Variants in ZC3H18 observed in about 807,000 individuals in gnomAD.
ZC3H18 encodes zinc finger CCCH domain-containing protein 18.
A neutral mutation model predicts 106.1 loss-of-function variants in ZC3H18; 8 were observed. That is an observed-to-expected ratio of 0.08 (90% confidence interval 0.04 to 0.14). The LOEUF is 0.14. Ranked by LOEUF, ZC3H18 falls within the 10% of genes least tolerant of loss-of-function variation. The pLI is 1.00. For missense variants in ZC3H18, 1,318 were observed against 1,278.4 expected (o/e 1.03, Z -0.47); for synonymous variants, 635 against 522.1 (o/e 1.22, Z -2.95).
chr16:88,623,986 C>A lies in ZC3H18; in HGVS notation c.1822C>A (p.Pro608Thr). The change falls in exon 11 of 18, where the codon CCG becomes ACG. Residue 608 changes from proline to threonine, a missense_variant. Pro to Thr is a conservative substitution (Grantham distance 38, BLOSUM62 -1). Coordinates refer to ENST00000301011, the MANE Select transcript of ZC3H18 (RefSeq NM_144604.4). ...CCGGTCCTTCTCTTCGTCCCCGTCC[C>A]CGTCCCCAACACCTTCCCCACATAG... ...RSRSFSSSPS[P>T]SPTPSPHRPS... is the part of the protein sequence containing the mutation. 2 of 1,613,420 alleles carry A rather than the reference C, an allele frequency of 1.2e-6. No homozygotes were observed. Among genetic ancestry groups the A allele is most frequent in the Non-Finnish European group, 1.7e-6 (2 of 1,179,488 alleles).
intron 8 of ZC3H18, among the ~76,000 whole-genome samples, chr16:88,618,871 C>CT (rs1905785396): frequency 6.6e-6 from 1 of 152,194 alleles, no homozygotes; most frequent in African/African-American, 2.4e-5. Context: ...TGGGCCATCC[C>CT]TTGCGAGCGT....
chr16:88,598,063 G>C lies in ZC3H18; in HGVS notation c.689-115G>C. 2.3e-5 allele frequency: 17 copies of C among 747,558 alleles called. No homozygotes were observed. The East Asian group carries it at 3.8e-4, about 17-fold the overall frequency. 46.3% of individuals were successfully genotyped at this position (747,558 alleles called of 1,614,324 possible). A position where few individuals can be genotyped will look rare whatever the true frequency, so the allele number is the denominator to read the frequency against. On this transcript the variant is annotated intron_variant, in intron 3 of 17. Coordinates refer to ENST00000301011, the MANE Select transcript of ZC3H18 (RefSeq NM_144604.4). Reference sequence around the variant, plus strand: ...TTCAGTTCCCACTACTGTGTGGCTCGCCATCAGGCCTGGGTAAACATGGCC... The same window carrying C: ...TTCAGTTCCCACTACTGTGTGGCTCCCCATCAGGCCTGGGTAAACATGGCC...
Position 88,592,446 on chromosome 16 carries a change from T to C in ZC3H18, c.689-5732T>C, listed in dbSNP as rs551048016. Among the ~76,000 whole-genome samples, 29 of 152,212 alleles carry C rather than the reference T, an allele frequency of 1.9e-4. 1 individual carries two copies. In the East Asian group the frequency reaches 5.6e-3, roughly 29 times the overall value. ...TTTCAGGGGACCCTGAGGTCAAAAC[T>C]ATATTTATTTATTTTTCTTTTTCTT... On this transcript the variant is annotated intron_variant, in intron 3 of 17. Coordinates refer to ENST00000301011, the MANE Select transcript of ZC3H18 (RefSeq NM_144604.4).
chr16:88,610,737 A>G (rs964543614), intron 7 of ZC3H18, among the ~76,000 whole-genome samples: 1 of 152,230 alleles, frequency 6.6e-6, no homozygotes, highest in South Asian at 2.1e-4. Flanking sequence ...GAAGAGGAGC[A>G]GTCTTTTGGG....
rs1344252080 is a variant in ZC3H18 at position 88,599,038 on chromosome 16, A to G, written c.930+326A>G. 2.0e-5 allele frequency among the ~76,000 whole-genome samples: 3 copies of G among 152,106 alleles called. No homozygotes were observed. In the East Asian group the frequency reaches 5.8e-4, roughly 29 times the overall value. Reference sequence around the variant, plus strand: ...CAGGCCCGGAAGGATGGAGAGTTATATCTAACTGTCTCAGGCAGCAGCCCA... The same window carrying G: ...CAGGCCCGGAAGGATGGAGAGTTATGTCTAACTGTCTCAGGCAGCAGCCCA... On this transcript the variant is annotated intron_variant, in intron 5 of 17. Coordinates refer to ENST00000301011, the MANE Select transcript of ZC3H18 (RefSeq NM_144604.4).
intron 16 of ZC3H18, chr16:88,630,126 A>C: frequency 4.6e-6 from 1 of 216,860 alleles, no homozygotes; most frequent in Non-Finnish European, 9.3e-6. Context: ...AAACACTCCT[A>C]GTCTCTCGGC....
chr16:88,586,827 GT>G, intron 3 of ZC3H18, 143 bp downstream of exon 3: 1 of 634,944 alleles, frequency 1.6e-6, no homozygotes. Context: ...GGTGGTGGTG[GT>G]GGTGGTGGTG....
chr16:88,608,101 G>T (rs62050306), intron 6 of ZC3H18, among the ~76,000 whole-genome samples: 28,515 of 152,072 alleles, frequency 0.19, 3,096 homozygotes, highest in East Asian at 0.32. Context: ...GCTTTATCAA[G>T]TCTCTGGGTT....
chr16:88,621,245 G>C (rs1905940069), intron 8 of ZC3H18, among the ~76,000 whole-genome samples: 1 of 143,092 alleles, frequency 7.0e-6, no homozygotes, highest in Admixed American at 7.0e-5. Flanking sequence ...TTTTTTTTGA[G>C]ACAGAGTCTC....
chr16:88,619,259 G>A (rs1482711694), intron 8 of ZC3H18, among the ~76,000 whole-genome samples: 1 of 152,138 alleles, frequency 6.6e-6, no homozygotes, highest in Non-Finnish European at 1.5e-5. Context: ...GGGCAACAGA[G>A]CGAGGCTCTG....
Position 88,611,326 on chromosome 16 carries a change from AGCG to A in ZC3H18, c.1267_1269del (p.Arg423del). On this transcript the variant is annotated inframe_deletion, in exon 8 of 18. Transcript: ENST00000301011. ...CAGCGCGAGCGCGAGCGGGAGCGGG[AGCG>A]GGACCGAGAGCGGGAGCGCCGGCAG... is the stretch of plus-strand genomic sequence containing the variant. The A allele has an allele frequency of 1.3e-6, 1 of 751,174 alleles. No individual in the cohort carries two copies. Among genetic ancestry groups the A allele is most frequent in the Non-Finnish European group, 2.4e-6 (1 of 416,778 alleles). 46.5% of individuals were successfully genotyped at this position (751,174 alleles called of 1,614,324 possible). A position where few individuals can be genotyped will look rare whatever the true frequency, so the allele number is the denominator to read the frequency against.
Position 88,627,540 on chromosome 16 carries a change from T to C in ZC3H18, c.2109-82T>C. 1.1e-5 allele frequency: 16 copies of C among 1,518,750 alleles called. No individual in the cohort carries two copies. Among genetic ancestry groups the C allele is most frequent in the Non-Finnish European group, 1.4e-5 (16 of 1,126,768 alleles). The allele number at this position is 1,518,750 out of a possible 1,614,324, so 94.1% of individuals were successfully genotyped here. On this transcript the variant is annotated intron_variant, in intron 13 of 17. Coordinates refer to ENST00000301011, the MANE Select transcript of ZC3H18 (RefSeq NM_144604.4). The surrounding 1 kb of genome is among the most constrained non-coding windows in gnomAD (Gnocchi z 4.5). ...ACATGATCCATAAATGGACACTGCG[T>C]AAAAGTGGACCATGGAGCACCCCCT...
Position 88,627,895 on chromosome 16 carries a change from A to C in ZC3H18, c.2270-25A>C, listed in dbSNP as rs1906414484. On this transcript the variant is annotated intron_variant, in intron 14 of 17. Transcript: ENST00000301011. The surrounding 1 kb of genome is among the most constrained non-coding windows in gnomAD (Gnocchi z 4.5). The stretch of plus-strand genomic sequence containing the variant: ...CCATGGGAAAATCACCAGTACCCCC[A>C]TGACTGCGGATTTATCATTGGTAGG... 5 of 1,613,670 alleles carry C rather than the reference A, an allele frequency of 3.1e-6. No individual in the cohort carries two copies. The highest frequency in any genetic ancestry group is 4.2e-6 in the Non-Finnish European group (5 of 1,180,004).
At chr16:88,611,650 G>A in intron 8 of ZC3H18, 114 bp downstream of exon 8, 1 of 1,434,248 alleles carries the variant, frequency 7.0e-7, no homozygotes, top group Non-Finnish European at 9.3e-7. Context: ...GGAGCCCAGG[G>A]GACCAGTGCA....
chr16:88,629,830 C>G (rs1349853696), intron 16 of ZC3H18, among the ~76,000 whole-genome samples: 1 of 152,256 alleles, frequency 6.6e-6, no homozygotes, highest in African/African-American at 2.4e-5. Flanking sequence ...GCCACCCGCA[C>G]AGACACTCCC....
At chr16:88,628,196 C>G (rs1021075718) in intron 15 of ZC3H18, 77 bp downstream of exon 15, 2 of 1,542,142 alleles carry the variant, frequency 1.3e-6, no homozygotes, top group African/African-American at 2.7e-5. Context: ...CAGCTTCCTC[C>G]TGGGGGACGG....
At position 88,622,373 on chromosome 16, in the gene ZC3H18, C is replaced by T; in HGVS notation, c.1652C>T (p.Ala551Val). 6.2e-7 allele frequency: 1 copy of T among 1,609,458 alleles called. No homozygotes were observed. ...AAAACATCAGCCTCGTCAGCCTCTG[C>T]CTCTAATTCCTCCAGGTAAGGAGGG... ...RRKTSASSAS[A>V]SNSSRSSSRS... is the part of the protein sequence containing the mutation. The change falls in exon 9 of 18, where the codon GCC becomes GTC. Residue 551 changes from alanine to valine, a missense_variant. This residue lies in a region of ZC3H18 where 848 missense variants were observed against 821.7 expected (regional missense o/e 1.03). Coordinates refer to ENST00000301011, the MANE Select transcript of ZC3H18 (RefSeq NM_144604.4).
intron 7 of ZC3H18, among the ~76,000 whole-genome samples, chr16:88,610,862 G>A (rs1905237472): frequency 6.6e-6 from 1 of 152,222 alleles, no homozygotes; most frequent in Non-Finnish European, 1.5e-5. Context: ...GCCACACGGC[G>A]GAAGGCCATC....
intron 13 of ZC3H18, chr16:88,626,710 A>AT (rs397972372): frequency 7.3e-5 from 11 of 151,718 alleles, no homozygotes; most frequent in Admixed American, 7.2e-4. Context: ...AAAAAAAAAA[A>AT]TGGTTCTCTT....
Sources: allele counts gnomAD v4.1 joint callset (sites outside exome capture counted in the v4.1 genomes callset), GRCh38; gene constraint gnomAD v4.1.1; regional missense constraint gnomAD v4.1.1; non-coding constraint Gnocchi (gnomAD v3.1); transcripts MANE v1.5; gene names NCBI Gene and HGNC (gene_info 2026-07-23, HGNC 2026-07-21).